NCMAP: variants seen among roughly 807,000 people sequenced by gnomAD.
NCMAP encodes noncompact myelin-associated protein.
A neutral mutation model predicts 7.8 loss-of-function variants in NCMAP; 8 were observed. The observed-to-expected ratio is 1.02, with a 90% CI of 0.60 to 1.84. The LOEUF is 1.84. NCMAP is among the 40% of genes most tolerant of loss of function. The probability of loss-of-function intolerance (pLI) is 0.00; values close to 1 mark genes in which losing one functional copy is unlikely to be tolerated. For missense variants in NCMAP, 112 were observed against 131.4 expected (o/e 0.85, Z 0.72); for synonymous variants, 41 against 52.9 (o/e 0.78, Z 0.98).
At chr1:24,597,647 GA>G (rs1414348472) in intron 2 of NCMAP, among the ~76,000 whole-genome samples, 2 of 131,058 alleles carry the variant, frequency 1.5e-5, no homozygotes, top group African/African-American at 5.9e-5. Flanking sequence ...AAGAAAGAAA[GA>G]AAGAAAGAAA....
At chr1:24,567,975 T>G (rs1002575353) in intron 1 of NCMAP, among the ~76,000 whole-genome samples, 3 of 151,958 alleles carry the variant, frequency 2.0e-5, no homozygotes, top group African/African-American at 7.3e-5. Context: ...GACCGAGGGT[T>G]CCGCGACGCC....
chr1:24,609,135 G>A lies in NCMAP; in HGVS notation c.*3388G>A, dbSNP rs1652849367. The A allele has an allele frequency of 6.6e-6, 1 of 152,152 alleles. No homozygotes were observed. The highest frequency in any genetic ancestry group is 1.5e-5 in the Non-Finnish European group (1 of 68,028). 9.4% of individuals were successfully genotyped at this position (152,152 alleles called of 1,614,324 possible). On this transcript the variant is annotated 3_prime_UTR_variant, in exon 4 of 4. Coordinates refer to ENST00000374392, the MANE Select transcript of NCMAP (RefSeq NM_001010980.5). The stretch of plus-strand genomic sequence containing the variant: ...TATGTGCAAGTTGAGGTGCTACTAA[G>A]TACATTAAGACACAATTGCTGCTCT...
At chr1:24,569,513 T>C (rs546025901) in intron 1 of NCMAP, among the ~76,000 whole-genome samples, 1 of 150,652 alleles carries the variant, frequency 6.6e-6, no homozygotes, top group African/African-American at 2.5e-5. Context: ...AGTCAAATGA[T>C]AATAGTAACA....
intron 1 of NCMAP, among the ~76,000 whole-genome samples, chr1:24,566,548 C>T (rs918010013): frequency 6.6e-6 from 1 of 152,176 alleles, no homozygotes; most frequent in African/African-American, 2.4e-5. Flanking sequence ...AAGACTGAGG[C>T]AAGTTCATGG....
chr1:24,597,613 GAA>G (rs1652283509), intron 2 of NCMAP, among the ~76,000 whole-genome samples: 1 of 81,144 alleles, frequency 1.2e-5, no homozygotes, highest in South Asian at 4.9e-4. Context: ...AAGAAAGAAA[GAA>G]AGAGAAAGAA....
chr1:24,571,363 T>C (rs1460214810), intron 1 of NCMAP, among the ~76,000 whole-genome samples: 1 of 149,440 alleles, frequency 6.7e-6, no homozygotes, highest in East Asian at 2.0e-4. Flanking sequence ...TAATCCTAGC[T>C]ACTCAAGAGG....
At chr1:24,562,778 C>A (rs1243543422) in intron 1 of NCMAP, among the ~76,000 whole-genome samples, 1 of 152,188 alleles carries the variant, frequency 6.6e-6, no homozygotes, top group Non-Finnish European at 1.5e-5. Context: ...CCCACCCCCA[C>A]ACCCACCCCC....
At chr1:24,600,884 T>G in intron 2 of NCMAP, 56 bp from the exon 3 acceptor site, 1 of 1,535,246 alleles carries the variant, frequency 6.5e-7, no homozygotes, top group Non-Finnish European at 9.0e-7. Context: ...CAGGGCGCCC[T>G]CCTGGTCTGC....
At chr1:24,580,986 G>GAGAGT (rs1651725688) in intron 1 of NCMAP, among the ~76,000 whole-genome samples, 1 of 151,954 alleles carries the variant, frequency 6.6e-6, no homozygotes, top group East Asian at 1.9e-4. Context: ...TTTCTCTTCT[G>GAGAGT]TACCCTTTGG....
intron 2 of NCMAP, among the ~76,000 whole-genome samples, chr1:24,599,420 A>AAAC (rs79722293): frequency 0.035 from 5,355 of 152,282 alleles, 147 homozygotes; most frequent in Middle Eastern, 0.12. Context: ...GAAAAACTGA[A>AAAC]AACATAAGTA....
chr1:24,588,957 G>C (rs1030638805), intron 1 of NCMAP, among the ~76,000 whole-genome samples: 1 of 152,174 alleles, frequency 6.6e-6, no homozygotes, highest in African/African-American at 2.4e-5. Flanking sequence ...TTGCTGGGAG[G>C]GTTTTTGAAG....
At chr1:24,582,438 C>T (rs3924435) in intron 1 of NCMAP, among the ~76,000 whole-genome samples, 35,869 of 152,060 alleles carry the variant, frequency 0.24, 4,761 homozygotes, top group African/African-American at 0.35. Context: ...GGAGATTATC[C>T]TGGATTAGCT....
intron 1 of NCMAP, among the ~76,000 whole-genome samples, chr1:24,577,011 G>A (rs1651582440): frequency 6.6e-6 from 1 of 152,110 alleles, no homozygotes; most frequent in Admixed American, 6.6e-5. Flanking sequence ...GGTGGTGCAT[G>A]CCTGTGATCC....
chr1:24,576,941 A>G lies in NCMAP; in HGVS notation c.-7-18483A>G, dbSNP rs1651579527. On this transcript the variant is annotated intron_variant, in intron 1 of 3. Transcript: ENST00000374392. This position sits in a 1 kb window ranked among gnomAD's most constrained non-coding sequence, Gnocchi z 4.0. ...TCAGGAGTTCAAGACCAGCCTGGCT[A>G]ACATGACGAAATCCTGTCTCTACTA... 6.6e-6 allele frequency among the ~76,000 whole-genome samples: 1 copy of G among 152,082 alleles called. No homozygotes were observed. Among genetic ancestry groups the G allele is most frequent in the African/African-American group, 2.4e-5 (1 of 41,386 alleles).
Position 24,570,295 on chromosome 1 carries a change from A to G in NCMAP, c.-8+14126A>G, listed in dbSNP as rs1448419401. ...TTTTTGCTTAGAAACAATCAAATAA[A>G]CATAAAGTAAGTTAGGCCCCATCTC... On this transcript the variant is annotated intron_variant, in intron 1 of 3. Coordinates refer to ENST00000374392, the MANE Select transcript of NCMAP (RefSeq NM_001010980.5). Among the ~76,000 whole-genome samples, 4 of 150,586 alleles carry G rather than the reference A, an allele frequency of 2.7e-5. No homozygotes were observed. In the East Asian group the frequency reaches 7.7e-4, roughly 29 times the overall value.
intron 1 of NCMAP, among the ~76,000 whole-genome samples, chr1:24,581,579 C>T (rs191127055): frequency 1.7e-4 from 26 of 152,312 alleles, no homozygotes; most frequent in Admixed American, 7.2e-4. Flanking sequence ...GACTGAGAGT[C>T]GCTGGGAGAA....
chr1:24,595,498 A>T lies in NCMAP; in HGVS notation c.68A>T (p.Asp23Val), dbSNP rs751078735. Residue 23 changes from aspartate (D) to valine (V), a missense_variant, in exon 2 of 4, where the codon GAC becomes GTC. Physicochemically the swap from Asp to Val is radical, Grantham distance 152. Transcript: ENST00000374392. ...FSLNMTTRGEDFLYKSSGAIV... is the reference protein window; with the variant it reads ...FSLNMTTRGEVFLYKSSGAIV... Reference sequence around the variant, plus strand: ...CTGAACATGACCACCAGGGGAGAAGACTTCCTGTATAAGAGTAAGGTCAAA... The same window carrying T: ...CTGAACATGACCACCAGGGGAGAAGTCTTCCTGTATAAGAGTAAGGTCAAA... 5.6e-6 allele frequency: 9 copies of T among 1,613,620 alleles called. No homozygotes were observed. In the African/African-American group the frequency reaches 1.2e-4, roughly 22 times the overall value.
In NCMAP at chr1:24,606,874, T is replaced by G. The variant is rs952692299; in HGVS notation, c.*1127T>G. On this transcript the variant is annotated 3_prime_UTR_variant, in exon 4 of 4. Coordinates refer to ENST00000374392, the MANE Select transcript of NCMAP (RefSeq NM_001010980.5). Reference sequence around the variant, plus strand: ...ACCATGAAGTGGAAATGATAACACCTGCCTCATTGGGGCACTATAACAAGT... The same window carrying G: ...ACCATGAAGTGGAAATGATAACACCGGCCTCATTGGGGCACTATAACAAGT... The G allele has an allele frequency of 6.6e-6, 1 of 152,246 alleles. No homozygotes were observed. The highest frequency in any genetic ancestry group is 2.4e-5 in the African/African-American group (1 of 41,454). The allele number at this position is 152,246 out of a possible 1,614,324, so 9.4% of individuals were successfully genotyped here. A position where few individuals can be genotyped will look rare whatever the true frequency, so the allele number is the denominator to read the frequency against.
chr1:24,574,799 T>C (rs1651497543), intron 1 of NCMAP, among the ~76,000 whole-genome samples: 1 of 150,034 alleles, frequency 6.7e-6, no homozygotes, highest in Non-Finnish European at 1.5e-5. Context: ...CAATACTTTT[T>C]TTTTTTTTTT....
Sources: allele counts gnomAD v4.1 joint callset (sites outside exome capture counted in the v4.1 genomes callset), GRCh38; gene constraint gnomAD v4.1.1; non-coding constraint Gnocchi (gnomAD v3.1); transcripts MANE v1.5; gene names NCBI Gene and HGNC (gene_info 2026-07-23, HGNC 2026-07-21).